Variants in PYGO1 observed in about 807,000 individuals in gnomAD.
PYGO1 encodes pygopus family PHD finger 1, also known as pygopus homolog 1.
A neutral mutation model predicts 29.5 loss-of-function variants in PYGO1; 6 were observed. The ratio of observed to expected loss-of-function variants is 0.20; its 90% CI spans 0.11 to 0.40. PYGO1 has a LOEUF of 0.40. PYGO1 is among the 10% of genes least tolerant of loss of function. The pLI is 1.00. For missense variants in PYGO1, 515 were observed against 514.9 expected (o/e 1.00, Z 0.00); for synonymous variants, 186 against 180.5 (o/e 1.03, Z -0.24).
intron 1 of PYGO1, among the ~76,000 whole-genome samples, chr15:55,579,961 C>G (rs2059019059): frequency 6.6e-6 from 1 of 152,200 alleles, no homozygotes; most frequent in Non-Finnish European, 1.5e-5. Flanking sequence ...ACATTTCCCT[C>G]TGTAAAACAA....
chr15:55,556,294 AAC>A (rs1426563035), intron 1 of PYGO1, among the ~76,000 whole-genome samples: 1 of 152,212 alleles, frequency 6.6e-6, no homozygotes, highest in African/African-American at 2.4e-5. Flanking sequence ...CAGAAATCAT[AAC>A]AGTCTCTCAC....
At chr15:55,553,939 G>C (rs2058891654) in intron 1 of PYGO1, among the ~76,000 whole-genome samples, 2 of 152,090 alleles carry the variant, frequency 1.3e-5, no homozygotes, top group Admixed American at 1.3e-4. Context: ...CCCTACAGAA[G>C]TATGGCCTGA....
rs2058845988 is a variant in PYGO1, at chr15:55,545,598, T to C, written c.*425A>G. ...TTCCCCCATGTTACAGTTACATATA[T>C]TATGTTGTGAAGACGTGTTAAGTGG... On this transcript the variant is annotated 3_prime_UTR_variant, in exon 3 of 3. Coordinates refer to ENST00000563719, the MANE Select transcript of PYGO1 (RefSeq NM_001367806.1). The C allele has an allele frequency of 1.3e-5, 2 of 153,898 alleles. No individual in the cohort carries two copies. The highest frequency in any genetic ancestry group is 6.5e-5 in the Admixed American group (1 of 15,456). The allele number at this position is 153,898 out of a possible 1,614,324, so 9.5% of individuals were successfully genotyped here. A position where few individuals can be genotyped will look rare whatever the true frequency, so the allele number is the denominator to read the frequency against.
Position 55,548,707 on chromosome 15 carries a change from T to TAAAAAAAAAAAAAAA in PYGO1, c.135+188_135+202dup, listed in dbSNP as rs60796044. ...TCTGGCAACAGAGCAAGAATCCACC[T>TAAAAAAAAAAAAAAA]AAAAAAAAAAAAAAAAAAAAAAAAA... On this transcript the variant is annotated intron_variant, in intron 2 of 2. Transcript: ENST00000563719. Among the ~76,000 whole-genome samples, 14 of 55,448 alleles carry TAAAAAAAAAAAAAAA rather than the reference T, an allele frequency of 2.5e-4. 1 individual carries two copies. Among genetic ancestry groups the TAAAAAAAAAAAAAAA allele is most frequent in the African/African-American group, 4.2e-4 (5 of 12,030 alleles). The allele number at this position is 55,448 out of a possible 152,430, so 36.4% of individuals were successfully genotyped here. A position where few individuals can be genotyped will look rare whatever the true frequency, so the allele number is the denominator to read the frequency against.
At position 55,545,879 on chromosome 15, in the gene PYGO1, CTA is replaced by C. The variant is rs2058847309; in HGVS notation, c.*142_*143del. On this transcript the variant is annotated 3_prime_UTR_variant, in exon 3 of 3. Coordinates refer to ENST00000563719, the MANE Select transcript of PYGO1 (RefSeq NM_001367806.1). ...AAGCAAAGACAATAAAAAATTTGCT[CTA>C]GTGATGAAGTGATTAATAAAAACTA... 1 of 892,326 alleles carries C rather than the reference CTA, an allele frequency of 1.1e-6. No homozygotes were observed. Among genetic ancestry groups the C allele is most frequent in the African/African-American group, 1.7e-5 (1 of 59,208 alleles). The allele number at this position is 892,326 out of a possible 1,614,324, so 55.3% of individuals were successfully genotyped here.
intron 1 of PYGO1, among the ~76,000 whole-genome samples, chr15:55,576,931 A>G (rs1374404273): frequency 1.3e-5 from 2 of 151,954 alleles, no homozygotes; most frequent in Non-Finnish European, 2.9e-5. Context: ...AAGCCAAGGG[A>G]AAGGTCAAGC....
At chr15:55,556,467 G>T (rs1204927355) in intron 1 of PYGO1, among the ~76,000 whole-genome samples, 5 of 152,110 alleles carry the variant, frequency 3.3e-5, no homozygotes, top group Admixed American at 6.6e-5. Flanking sequence ...AAGAGACAAT[G>T]TACCAGAATC....
At chr15:55,567,137 T>C (rs2058960062) in intron 1 of PYGO1, among the ~76,000 whole-genome samples, 1 of 151,274 alleles carries the variant, frequency 6.6e-6, no homozygotes, top group Non-Finnish European at 1.5e-5. Context: ...CATTGCTTCA[T>C]GTTTCTTGGC....
chr15:55,566,715 A>G (rs1200441235), intron 1 of PYGO1, among the ~76,000 whole-genome samples: 6 of 152,110 alleles, frequency 3.9e-5, no homozygotes, highest in Admixed American at 1.3e-4. Context: ...CCTTTTCTCC[A>G]CAGGCCTTAT....
chr15:55,562,449 A>T (rs2058936904), intron 1 of PYGO1, among the ~76,000 whole-genome samples: 1 of 152,218 alleles, frequency 6.6e-6, no homozygotes, highest in Non-Finnish European at 1.5e-5. Context: ...AGGTGGGCAG[A>T]TCACCTGATG....
chr15:55,549,987 A>G (rs2058871560), intron 1 of PYGO1, among the ~76,000 whole-genome samples: 2 of 152,210 alleles, frequency 1.3e-5, no homozygotes, highest in South Asian at 4.1e-4. Context: ...TAAATATTTC[A>G]GAATGTATTT....
intron 1 of PYGO1, among the ~76,000 whole-genome samples, chr15:55,553,688 G>A (rs1278704018): frequency 6.6e-6 from 1 of 152,142 alleles, no homozygotes; most frequent in South Asian, 2.1e-4. Flanking sequence ...TGGGATTACA[G>A]GTGTGAGCCA....
At chr15:55,582,063 C>T (rs964879546) in intron 1 of PYGO1, among the ~76,000 whole-genome samples, 10 of 151,798 alleles carry the variant, frequency 6.6e-5, no homozygotes, top group South Asian at 2.1e-4. Flanking sequence ...AAAAATTAGC[C>T]GGGCGTGGTG....
At chr15:55,569,279 T>C (rs1778454692) in intron 1 of PYGO1, among the ~76,000 whole-genome samples, 1 of 152,218 alleles carries the variant, frequency 6.6e-6, no homozygotes, top group African/African-American at 2.4e-5. Context: ...GTGTCTCAAT[T>C]TGTTATATTC....
intron 2 of PYGO1, among the ~76,000 whole-genome samples, chr15:55,547,570 G>A (rs2058858179): frequency 6.6e-6 from 1 of 152,050 alleles, no homozygotes; most frequent in African/African-American, 2.4e-5. Context: ...ACAACAATCA[G>A]AATCTAAGTT....
At chr15:55,577,588 G>A (rs1310881926) in intron 1 of PYGO1, among the ~76,000 whole-genome samples, 3 of 1,660 alleles carry the variant, frequency 1.8e-3, no homozygotes, top group African/African-American at 3.6e-3. Context: ...CTAAAACTAG[G>A]TTTTTGTTTT....
rs2058826850 is a variant in PYGO1, at chr15:55,541,197, T to C, written c.*4826A>G. The C allele has an allele frequency of 6.6e-6, 1 of 152,228 alleles. No homozygotes were observed. Among genetic ancestry groups the C allele is most frequent in the Non-Finnish European group, 1.5e-5 (1 of 68,028 alleles). The allele number at this position is 152,228 out of a possible 1,614,324, so 9.4% of individuals were successfully genotyped here. ...CACAGTCTTTCCTTCATTTCCCCTATACCACTTGTCTTGGGAGATGTTAAT... is the reference window on the plus strand; with the variant it reads ...CACAGTCTTTCCTTCATTTCCCCTACACCACTTGTCTTGGGAGATGTTAAT... On this transcript the variant is annotated 3_prime_UTR_variant, in exon 3 of 3. Coordinates refer to ENST00000563719, the MANE Select transcript of PYGO1 (RefSeq NM_001367806.1).
upstream of PYGO1, chr15:55,588,657 C>T: frequency 1.5e-6 from 1 of 683,206 alleles, no homozygotes; most frequent in Non-Finnish European, 2.1e-6. Flanking sequence ...CGCTCCCTCG[C>T]CGACCGCCAG....
intron 1 of PYGO1, among the ~76,000 whole-genome samples, chr15:55,579,058 G>A (rs1053106424): frequency 2.6e-5 from 4 of 151,992 alleles, no homozygotes; most frequent in Non-Finnish European, 5.9e-5. Flanking sequence ...TTGGGAAGAT[G>A]GTAAATAAAG....
Sources: gnomAD v4.1 joint callset for allele counts (sites outside exome capture counted in the v4.1 genomes callset) on GRCh38, gnomAD v4.1.1 for gene constraint, MANE v1.5 for transcripts, NCBI Gene and HGNC (gene_info 2026-07-23, HGNC 2026-07-21) for gene names.